Variants in MOK observed in about 807,000 individuals in gnomAD.
MOK encodes the protein MOK protein kinase, also known as MAPK/MAK/MRK overlapping kinase.
MOK carries 59 observed loss-of-function variants against 54.2 expected under a neutral mutation model. The ratio of observed to expected loss-of-function variants is 1.09; its 90% CI spans 0.88 to 1.35. The LOEUF is 1.35. Among genes scored for constraint, MOK ranks in the 40% most tolerant of loss-of-function variants. The pLI, the probability that MOK is intolerant of heterozygous loss-of-function variation, is 0.00. For missense variants in MOK, 517 were observed against 526.2 expected (o/e 0.98, Z 0.17); for synonymous variants, 210 against 202.7 (o/e 1.04, Z -0.31).
chr14:102,300,283 C>T (rs1471670174), intron 1 of MOK, among the ~76,000 whole-genome samples: 1 of 139,832 alleles, frequency 7.2e-6, no homozygotes, highest in East Asian at 2.1e-4. Flanking sequence ...GAGATCGCGC[C>T]ATTGGACTCC....
rs887501371 is a variant in MOK, at chr14:102,297,094, A to T, written c.7+7868T>A. On this transcript the variant is annotated intron_variant, in intron 1 of 11. Transcript: ENST00000361847. Reference sequence around the variant, plus strand: ...ATAAATAGGCTGGGCACGGTGACTCACGCCTGTAATACCAGCACTTTGGGA... The same window carrying T: ...ATAAATAGGCTGGGCACGGTGACTCTCGCCTGTAATACCAGCACTTTGGGA... Among the ~76,000 whole-genome samples, 4 of 151,764 alleles carry T rather than the reference A, an allele frequency of 2.6e-5. 1 individual carries two copies. The South Asian group carries it at 6.3e-4, about 24-fold the overall frequency.
downstream of MOK, among the ~76,000 whole-genome samples, chr14:102,221,609 A>G (rs2063907560): frequency 6.6e-6 from 1 of 152,212 alleles, no homozygotes. The surrounding 1 kb of genome is among the most constrained non-coding windows in gnomAD (Gnocchi z 4.8). Context: ...CAGCTGCCAC[A>G]TTCCGTTTGC....
At chr14:102,304,593 G>GA (rs1390624768) in intron 1 of MOK, among the ~76,000 whole-genome samples, 1 of 152,296 alleles carries the variant, frequency 6.6e-6, no homozygotes, top group South Asian at 2.1e-4. Flanking sequence ...GAATGTTCAG[G>GA]AAAAGAGTGT....
At chr14:102,224,354 TCTTA>T, downstream of MOK, 1 of 346,118 alleles carries the variant, frequency 2.9e-6, no homozygotes, top group South Asian at 2.3e-5. Flanking sequence ...CTGAGATTTT[TCTTA>T]CTTGGTTGAA....
chr14:102,288,983 A>G lies in MOK; in HGVS notation c.8-5391T>C, dbSNP rs191943182. On this transcript the variant is annotated intron_variant, in intron 1 of 11. Transcript: ENST00000361847. ...AGTGGTGCAACCTCGGCTCACTGCAACCTCCACCTCCTAGGCTCAAGCGAT... is the reference window on the plus strand; with the variant it reads ...AGTGGTGCAACCTCGGCTCACTGCAGCCTCCACCTCCTAGGCTCAAGCGAT... 2.7e-3 allele frequency among the ~76,000 whole-genome samples: 409 copies of G among 152,072 alleles called. 1 individual carries two copies. The highest frequency in any genetic ancestry group is 5.1e-3 in the Non-Finnish European group (348 of 67,976).
chr14:102,291,863 C>G (rs2070787550), intron 1 of MOK, among the ~76,000 whole-genome samples: 1 of 151,442 alleles, frequency 6.6e-6, no homozygotes, highest in African/African-American at 2.4e-5. Context: ...GAGGCTGAGA[C>G]AGAAGAACTG....
At chr14:102,222,622 T>C (rs575859103), downstream of MOK, among the ~76,000 whole-genome samples, 12 of 152,284 alleles carry the variant, frequency 7.9e-5, 1 homozygote, top group African/African-American at 2.4e-4. This position sits in a 1 kb window ranked among gnomAD's most constrained non-coding sequence, Gnocchi z 4.4. Context: ...GCCACAGTAT[T>C]GCACCCAGCA....
In MOK at chr14:102,257,094, C is replaced by T. The variant is rs1238149407; in HGVS notation, c.284-5099G>A. 6.0e-5 allele frequency among the ~76,000 whole-genome samples: 9 copies of T among 151,028 alleles called. No homozygotes were observed. In the South Asian group the frequency reaches 1.9e-3, roughly 32 times the overall value. Reference sequence around the variant, plus strand: ...TGGCTTGCTCAGGTCCTATCCCAAACCCCCATCTAGCATGCCAGGCCTGAA... The same window carrying T: ...TGGCTTGCTCAGGTCCTATCCCAAATCCCCATCTAGCATGCCAGGCCTGAA... On this transcript the variant is annotated intron_variant, in intron 4 of 11. Transcript: ENST00000361847.
chr14:102,286,857 C>G (rs927710582), intron 1 of MOK, among the ~76,000 whole-genome samples: 5 of 151,360 alleles, frequency 3.3e-5, no homozygotes, highest in African/African-American at 1.2e-4. Flanking sequence ...TTGCAGTAAG[C>G]TGAGATTGCG....
intron 10 of MOK, chr14:102,229,884 T>C: frequency 3.6e-6 from 2 of 553,038 alleles, no homozygotes; most frequent in South Asian, 2.4e-5. Flanking sequence ...GAATGCCGAC[T>C]GCAAGCTGAG....
chr14:102,228,032 A>C (rs574087580), downstream of MOK, among the ~76,000 whole-genome samples: 177 of 152,372 alleles, frequency 1.2e-3, 1 homozygote, highest in Non-Finnish European at 2.0e-3. Flanking sequence ...AAGAGGACTT[A>C]CTAGGACTTT....
chr14:102,238,708 C>A lies in MOK; in HGVS notation c.591-4919G>T, dbSNP rs544814564. On this transcript the variant is annotated intron_variant, in intron 7 of 11. Coordinates refer to ENST00000361847, the MANE Select transcript of MOK (RefSeq NM_014226.3). The surrounding 1 kb of genome is among the most constrained non-coding windows in gnomAD (Gnocchi z 4.8). ...AGCTAGACCTTCCCCAGGGCCAAAC[C>A]GACAAAATCCTGACATCTCTCCACC... Among the ~76,000 whole-genome samples the A allele has an allele frequency of 6.6e-6, 1 of 152,234 alleles. No individual in the cohort carries two copies. Among genetic ancestry groups the A allele is most frequent in the African/African-American group, 2.4e-5 (1 of 41,524 alleles).
At chr14:102,247,584 A>G (rs1033393323) in intron 7 of MOK, 1 of 152,164 alleles carries the variant, frequency 6.6e-6, no homozygotes, top group Admixed American at 6.5e-5. Flanking sequence ...CCTATTACCA[A>G]TCCCTCTCCA....
chr14:102,285,094 A>G (rs1395262413), intron 1 of MOK, among the ~76,000 whole-genome samples: 3 of 152,000 alleles, frequency 2.0e-5, no homozygotes, highest in Non-Finnish European at 4.4e-5. Context: ...AAAAAAAAAA[A>G]AAAAAAGAAA....
At chr14:102,242,954 G>A (rs956797933) in intron 7 of MOK, among the ~76,000 whole-genome samples, 3 of 152,138 alleles carry the variant, frequency 2.0e-5, no homozygotes, top group Non-Finnish European at 2.9e-5. Flanking sequence ...ACACCCATCA[G>A]GCTCAGCAAA....
intron 2 of MOK, 187 bp downstream of exon 2, chr14:102,283,291 T>C: frequency 2.2e-6 from 1 of 446,768 alleles, no homozygotes; most frequent in Non-Finnish European, 4.0e-6. Context: ...GATATTACAG[T>C]AAGCCTGGAT....
chr14:102,226,887 T>C (rs2064272260), downstream of MOK, among the ~76,000 whole-genome samples: 1 of 152,158 alleles, frequency 6.6e-6, no homozygotes, highest in African/African-American at 2.4e-5. The surrounding 1 kb of genome is among the most constrained non-coding windows in gnomAD (Gnocchi z 4.8). Context: ...ACCTCCAGCC[T>C]GGAGGCCCAG....
At position 102,232,296 on chromosome 14, in the gene MOK, T is replaced by C. The variant is rs1411259012; in HGVS notation, c.866+239A>G. Reference sequence around the variant, plus strand: ...TGTAGCCTTGGCATCAACCGCAAAGTGGACAGCCAGCCCCTCTTTCTCCTG... The same window carrying C: ...TGTAGCCTTGGCATCAACCGCAAAGCGGACAGCCAGCCCCTCTTTCTCCTG... On this transcript the variant is annotated intron_variant, in intron 9 of 11. Transcript: ENST00000361847. The surrounding 1 kb of genome is among the most constrained non-coding windows in gnomAD (Gnocchi z 5.1). 2.2e-6 allele frequency: 1 copy of C among 460,758 alleles called. No homozygotes were observed. The highest frequency in any genetic ancestry group is 2.0e-5 in the African/African-American group (1 of 50,734). The allele number at this position is 460,758 out of a possible 1,614,324, so 28.5% of individuals were successfully genotyped here.
chr14:102,239,639 G>T (rs1025717642), intron 7 of MOK, among the ~76,000 whole-genome samples: 1 of 152,194 alleles, frequency 6.6e-6, no homozygotes, highest in Non-Finnish European at 1.5e-5. Flanking sequence ...GGGAGGCCAA[G>T]CCTGGTGAAT....
Sources: gnomAD v4.1 joint callset for allele counts (sites outside exome capture counted in the v4.1 genomes callset) on GRCh38, gnomAD v4.1.1 for gene constraint, Gnocchi (gnomAD v3.1) non-coding constraint, MANE v1.5 for transcripts, NCBI Gene and HGNC (gene_info 2026-07-23, HGNC 2026-07-21) for gene names.